HELZ: variants seen among roughly 807,000 people sequenced by gnomAD.
HELZ encodes helicase with zinc finger.
A neutral mutation model predicts 218.2 loss-of-function variants in HELZ; 23 were observed. That is an observed-to-expected ratio of 0.11 (90% CI 0.08 to 0.15). The LOEUF (loss-of-function observed/expected upper bound fraction) is 0.15, where lower values mean the gene tolerates loss of function less well. Among genes scored for constraint, HELZ ranks in the 10% least tolerant of loss-of-function variants. The pLI, the probability that HELZ is intolerant of heterozygous loss-of-function variation, is 1.00. For synonymous variants in HELZ, 814 were observed against 829.4 expected (o/e 0.98, Z 0.32); for missense variants, 1,813 against 2,353.7 (o/e 0.77, Z 4.75).
intron 3 of HELZ, among the ~76,000 whole-genome samples, chr17:67,233,932 G>A (rs1367822132): frequency 6.6e-6 from 1 of 151,338 alleles, no homozygotes; most frequent in Non-Finnish European, 1.5e-5. Flanking sequence ...TGTAATCCCA[G>A]CTACTCGGGA....
chr17:67,075,900 T>G lies in HELZ; in HGVS notation c.*2352A>C, dbSNP rs1317075799. 3 of 152,652 alleles carry G rather than the reference T, an allele frequency of 2.0e-5. No homozygotes were observed. The highest frequency in any genetic ancestry group is 4.8e-5 in the African/African-American group (2 of 41,458). The allele number at this position is 152,652 out of a possible 1,614,324, so 9.5% of individuals were successfully genotyped here. A position where few individuals can be genotyped will look rare whatever the true frequency, so the allele number is the denominator to read the frequency against. On this transcript the variant is annotated 3_prime_UTR_variant, in exon 33 of 33. Transcript: ENST00000358691. ...ATAACTGCTTAGAACAAGGATGTCA[T>G]GACAACTTAATAGCTTCCTTATCCA...
At chr17:67,089,827 T>G (rs776097022) in intron 31 of HELZ, among the ~76,000 whole-genome samples, 11 of 151,110 alleles carry the variant, frequency 7.3e-5, no homozygotes, top group Non-Finnish European at 1.6e-4. Context: ...GGAGATTCCT[T>G]GGGCTTTTTC....
At chr17:67,138,580 T>C (rs985336249) in intron 21 of HELZ, among the ~76,000 whole-genome samples, 1 of 152,206 alleles carries the variant, frequency 6.6e-6, no homozygotes, top group Admixed American at 6.5e-5. Flanking sequence ...AGGTCTAACA[T>C]TGTCCCCTTC....
intron 15 of HELZ, 117 bp downstream of exon 15, chr17:67,166,361 A>G (rs148216227): frequency 5.9e-5 from 45 of 766,236 alleles, no homozygotes; most frequent in East Asian, 4.1e-4. Flanking sequence ...TTCTAAACCA[A>G]TATCTCCTGA....
chr17:67,157,830 A>T (rs546176589), intron 17 of HELZ, among the ~76,000 whole-genome samples: 1 of 152,326 alleles, frequency 6.6e-6, no homozygotes, highest in Non-Finnish European at 1.5e-5. Context: ...AGATCAATAT[A>T]AAACAACAAT....
chr17:67,170,049 A>C (rs1365422128), intron 13 of HELZ, among the ~76,000 whole-genome samples: 2 of 152,196 alleles, frequency 1.3e-5, no homozygotes, highest in African/African-American at 4.8e-5. Context: ...TTGGGCCCCC[A>C]AGGCCTCAGG....
chr17:67,151,526 A>G (rs2038682363), intron 17 of HELZ, among the ~76,000 whole-genome samples: 2 of 152,240 alleles, frequency 1.3e-5, no homozygotes, highest in Admixed American at 6.5e-5. Flanking sequence ...CGTAAGATTT[A>G]TAAGCACTAC....
At chr17:67,127,862 C>T (rs964034921) in intron 24 of HELZ, among the ~76,000 whole-genome samples, 3 of 151,142 alleles carry the variant, frequency 2.0e-5, no homozygotes, top group African/African-American at 4.9e-5. Flanking sequence ...AAAAGATTTA[C>T]ATTTTTTAAA....
chr17:67,109,591 G>C lies in HELZ; in HGVS notation c.4014C>G (p.Asn1338Lys). The change falls in exon 29 of 33, where the codon AAC becomes AAG. Residue 1338 changes from asparagine (N) to lysine (K), a missense_variant. Coordinates refer to ENST00000358691, the MANE Select transcript of HELZ (RefSeq NM_014877.4). ...STKFPRKDNLNPRHINLPLPA... is the reference protein window; with the variant it reads ...STKFPRKDNLKPRHINLPLPA... The stretch of plus-strand genomic sequence containing the variant: ...GAAGGGGAAGATTTATGTGTCTTGG[G>C]TTGAGATTATCTTTGCGAGGAAATT... 6.2e-7 allele frequency: 1 copy of C among 1,614,164 alleles called. No homozygotes were observed. The highest frequency in any genetic ancestry group is 8.5e-7 in the Non-Finnish European group (1 of 1,180,012).
rs1339130853 is a variant in HELZ at position 67,174,222 on chromosome 17, A to C, written c.1430+4437T>G. Among the ~76,000 whole-genome samples, 9 of 151,652 alleles carry C rather than the reference A, an allele frequency of 5.9e-5. No homozygotes were observed. In the South Asian group the frequency reaches 6.2e-4, roughly 11 times the overall value. On this transcript the variant is annotated intron_variant, in intron 13 of 32. Coordinates refer to ENST00000358691, the MANE Select transcript of HELZ (RefSeq NM_014877.4). ...TTTAAAAAAAAAAAAAAAAAGATAG[A>C]TTATTAAATCCAGTCTCAAACCAAA...
At chr17:67,218,083 C>T (rs1051547667) in intron 4 of HELZ, among the ~76,000 whole-genome samples, 13 of 151,876 alleles carry the variant, frequency 8.6e-5, no homozygotes, top group Non-Finnish European at 1.5e-4. Context: ...TATAGGCACG[C>T]GCTACCACGC....
At chr17:67,146,034 A>G in intron 20 of HELZ, 144 bp from the exon 21 acceptor site, 1 of 703,548 alleles carries the variant, frequency 1.4e-6, no homozygotes, top group Non-Finnish European at 2.3e-6. Context: ...TACTTGTGAT[A>G]CCAAGAATTT....
intron 5 of HELZ, among the ~76,000 whole-genome samples, chr17:67,211,978 C>T (rs2040463229): frequency 6.6e-6 from 1 of 151,992 alleles, no homozygotes; most frequent in Non-Finnish European, 1.5e-5. Context: ...AGGTCAGAAG[C>T]TGCAAGTGGA....
At chr17:67,166,429 A>G in intron 15 of HELZ, 49 bp downstream of exon 15, 1 of 1,492,904 alleles carries the variant, frequency 6.7e-7, no homozygotes. Context: ...ACAGATATTC[A>G]ATTTAATATT....
Position 67,149,984 on chromosome 17 carries a change from C to A in HELZ, c.2358G>T (p.Gly786=). 1.3e-6 allele frequency: 2 copies of A among 1,598,524 alleles called. No homozygotes were observed. Among genetic ancestry groups the A allele is most frequent in the South Asian group, 1.1e-5 (1 of 89,764 alleles). ...CATCTAATAGAATGTGTGTAAAAAACCCTAGAAAATGCAGCATAAACACAG... is the reference window on the plus strand; with the variant it reads ...CATCTAATAGAATGTGTGTAAAAAAACCTAGAAAATGCAGCATAAACACAG... ...QYLCQLDLEP[G]FFTHILLDEA... Residue 786 remains glycine, a splice_region_variant and synonymous_variant, in exon 19 of 33, where the codon GGG becomes GGT. Transcript: ENST00000358691.
At position 67,076,715 on chromosome 17, in the gene HELZ, C is replaced by T. The variant is rs2036027225; in HGVS notation, c.*1537G>A. 1 of 152,110 alleles carries T rather than the reference C, an allele frequency of 6.6e-6. No homozygotes were observed. Among genetic ancestry groups the T allele is most frequent in the Non-Finnish European group, 1.5e-5 (1 of 68,012 alleles). The allele number at this position is 152,110 out of a possible 1,614,324, so 9.4% of individuals were successfully genotyped here. A position where few individuals can be genotyped will look rare whatever the true frequency, so the allele number is the denominator to read the frequency against. On this transcript the variant is annotated 3_prime_UTR_variant, in exon 33 of 33. Coordinates refer to ENST00000358691, the MANE Select transcript of HELZ (RefSeq NM_014877.4). ...AGAAATGTCAGTAATTTTTCTTTACCTTTGCCATTTTACAACCTGATTTTA... is the reference window on the plus strand; with the variant it reads ...AGAAATGTCAGTAATTTTTCTTTACTTTTGCCATTTTACAACCTGATTTTA...
chr17:67,188,191 A>G lies in HELZ; in HGVS notation c.1162+128T>C. The G allele has an allele frequency of 2.3e-6, 2 of 853,620 alleles. No homozygotes were observed. Among genetic ancestry groups the G allele is most frequent in the Non-Finnish European group, 3.6e-6 (2 of 550,918 alleles). The allele number at this position is 853,620 out of a possible 1,614,324, so 52.9% of individuals were successfully genotyped here. On this transcript the variant is annotated intron_variant, in intron 12 of 32. Transcript: ENST00000358691. This position sits in a 1 kb window ranked among gnomAD's most constrained non-coding sequence, Gnocchi z 4.1. ...AGCCCATTACACAGTAAATGAGTCAATTAAGTTGGGATTTTTTTCTTTATT... is the reference window on the plus strand; with the variant it reads ...AGCCCATTACACAGTAAATGAGTCAGTTAAGTTGGGATTTTTTTCTTTATT...
chr17:67,234,702 T>TA (rs200450630), intron 3 of HELZ, among the ~76,000 whole-genome samples: 1,611 of 147,522 alleles, frequency 0.011, 17 homozygotes, highest in South Asian at 0.018. Flanking sequence ...AGTTAAATAT[T>TA]AAAAAAAAAA....
intron 22 of HELZ, 146 bp from the exon 23 acceptor site, chr17:67,136,344 G>T (rs2038149480): frequency 3.2e-6 from 2 of 626,668 alleles, no homozygotes. Context: ...ATGCACTGCT[G>T]GTGAGAATGT....
Sources: gnomAD v4.1 joint callset for allele counts (sites outside exome capture counted in the v4.1 genomes callset) on GRCh38, gnomAD v4.1.1 for gene constraint, Gnocchi (gnomAD v3.1) non-coding constraint, MANE v1.5 for transcripts, NCBI Gene and HGNC (gene_info 2026-07-23, HGNC 2026-07-21) for gene names.